TRIM9: variants seen among roughly 807,000 people sequenced by gnomAD.
TRIM9 encodes E3 ubiquitin-protein ligase TRIM9.
In TRIM9, 26 loss-of-function variants were observed where a neutral mutation model predicts 78.3. The ratio of observed to expected loss-of-function variants is 0.33; its 90% confidence interval spans 0.24 to 0.46. The LOEUF is 0.46. Ranked by LOEUF, TRIM9 falls within the 20% of genes least tolerant of loss-of-function variation. The pLI, the probability that TRIM9 is intolerant of heterozygous loss-of-function variation, is 1.00. For synonymous variants in TRIM9, 398 were observed against 416.5 expected (o/e 0.96, Z 0.54); for missense variants, 787 against 1,036.4 (o/e 0.76, Z 3.30).
intron 6 of TRIM9, among the ~76,000 whole-genome samples, chr14:51,000,464 A>C (rs1273743961): frequency 6.6e-6 from 1 of 152,224 alleles, no homozygotes; most frequent in Non-Finnish European, 1.5e-5. Flanking sequence ...CCAGTACTGC[A>C]TGTCCTGTCT....
chr14:51,000,008 A>G (rs2054746817), intron 6 of TRIM9, among the ~76,000 whole-genome samples: 2 of 152,200 alleles, frequency 1.3e-5, no homozygotes, highest in Non-Finnish European at 2.9e-5. Context: ...CACCTTGGGA[A>G]GGTAGCAATC....
intron 1 of TRIM9, among the ~76,000 whole-genome samples, chr14:51,037,500 A>G (rs894041297): frequency 1.3e-5 from 2 of 152,282 alleles, no homozygotes; most frequent in South Asian, 4.2e-4. Flanking sequence ...AATGGTGATC[A>G]GATCAGAAAA....
At chr14:50,998,427 C>T (rs1445907328) in intron 6 of TRIM9, among the ~76,000 whole-genome samples, 1 of 152,100 alleles carries the variant, frequency 6.6e-6, no homozygotes, top group African/African-American at 2.4e-5. Context: ...GTTGTATATG[C>T]AGATTAGCGT....
At chr14:51,088,772 A>G (rs1215314114) in intron 1 of TRIM9, among the ~76,000 whole-genome samples, 1 of 152,278 alleles carries the variant, frequency 6.6e-6, no homozygotes, top group Non-Finnish European at 1.5e-5. Flanking sequence ...ATTGAATATG[A>G]TATGATTTCT....
At chr14:51,014,229 T>C (rs2056900643) in intron 3 of TRIM9, among the ~76,000 whole-genome samples, 1 of 152,176 alleles carries the variant, frequency 6.6e-6, no homozygotes, top group South Asian at 2.1e-4. Flanking sequence ...TTATCAAGCA[T>C]GGTTTATTGG....
Position 51,095,099 on chromosome 14 carries a change from G to T in TRIM9, c.-160C>A. The T allele has an allele frequency of 2.0e-6, 1 of 489,604 alleles. No individual in the cohort carries two copies. The highest frequency in any genetic ancestry group is 3.3e-6 in the Non-Finnish European group (1 of 305,172). The allele number at this position is 489,604 out of a possible 1,614,324, so 30.3% of individuals were successfully genotyped here. On this transcript the variant is annotated 5_prime_UTR_variant, in exon 1 of 13. Coordinates refer to ENST00000684578, the MANE Select transcript of TRIM9 (RefSeq NM_001387360.1). ...GGCACGGACACCCAGAGAGGCGCTA[G>T]CTCTGTGAGCCGCAGCCGCGTAGCC...
rs898204719 is a variant in TRIM9, at chr14:50,981,904, C to T, written c.2058G>A (p.Met686Ile). Residue 686 changes from methionine to isoleucine, a missense_variant, in exon 11 of 13, where the codon ATG becomes ATA. By Grantham distance (10) the Met-to-Ile change is conservative. This residue lies in a region of TRIM9 where 421 missense variants were observed against 514.3 expected (regional missense o/e 0.82). Coordinates refer to ENST00000684578, the MANE Select transcript of TRIM9 (RefSeq NM_001387360.1). Reference sequence around the variant, plus strand: ...CTAACATCACATCCTTCATCACGTCCATGCGAGCCACACCAAAGGCAGGAT... The same window carrying T: ...CTAACATCACATCCTTCATCACGTCTATGCGAGCCACACCAAAGGCAGGAT... The part of the protein sequence containing the change: ...HPDPAFGVAR[M>I]DVMKDVMLGK... 1.5e-5 allele frequency: 25 copies of T among 1,614,150 alleles called. No individual in the cohort carries two copies. The highest frequency in any genetic ancestry group is 3.3e-4 in the Middle Eastern group (2 of 6,062).
At chr14:51,052,976 G>A (rs1374903592) in intron 1 of TRIM9, among the ~76,000 whole-genome samples, 2 of 152,024 alleles carry the variant, frequency 1.3e-5, no homozygotes, top group Non-Finnish European at 2.9e-5. Context: ...GGGCAACATG[G>A]TGAAACCCTA....
At chr14:51,053,899 T>C (rs2060666591) in intron 1 of TRIM9, among the ~76,000 whole-genome samples, 1 of 152,174 alleles carries the variant, frequency 6.6e-6, no homozygotes, top group Non-Finnish European at 1.5e-5. Flanking sequence ...AAATATATTA[T>C]GGGTAAGAGT....
rs747505328 is a variant in TRIM9, at chr14:51,047,718, G to A, written c.823-22358C>T. ...TCTGTATCAGGTAAAAAAGAATATG[G>A]CCAATGAAGAGGTGCCAACCCAATG... On this transcript the variant is annotated intron_variant, in intron 1 of 12. Transcript: ENST00000684578. Among the ~76,000 whole-genome samples the A allele has an allele frequency of 2.2e-4, 33 of 152,056 alleles. 1 individual carries two copies. Among genetic ancestry groups the A allele is most frequent in the Middle Eastern group, 3.2e-3 (1 of 316 alleles).
chr14:51,066,794 T>C (rs572525197), intron 1 of TRIM9, among the ~76,000 whole-genome samples: 1 of 152,322 alleles, frequency 6.6e-6, no homozygotes, highest in East Asian at 1.9e-4. Context: ...GCTCGGCGTT[T>C]GCCTTATTTG....
intron 1 of TRIM9, among the ~76,000 whole-genome samples, chr14:51,061,239 C>A (rs140624265): frequency 1.3e-5 from 2 of 151,746 alleles, no homozygotes; most frequent in African/African-American, 4.8e-5. Flanking sequence ...CTAGTGAAAC[C>A]CTGTCTCTAC....
At chr14:51,030,283 T>A (rs1412486158) in intron 1 of TRIM9, among the ~76,000 whole-genome samples, 1 of 152,240 alleles carries the variant, frequency 6.6e-6, no homozygotes, top group Non-Finnish European at 1.5e-5. Context: ...AGGGTCCTGA[T>A]TCCCCCTCTA....
At chr14:50,978,837 A>G (rs1566536369) in intron 12 of TRIM9, 1 of 919,738 alleles carries the variant, frequency 1.1e-6, no homozygotes, top group Non-Finnish European at 1.3e-6. Context: ...TTCTATAGAT[A>G]TTTGCTGAAT....
At chr14:50,999,622 T>G (rs1412083481) in intron 6 of TRIM9, among the ~76,000 whole-genome samples, 1 of 152,178 alleles carries the variant, frequency 6.6e-6, no homozygotes, top group Non-Finnish European at 1.5e-5. Context: ...GGCTTTGCTC[T>G]TGAAAGCTAG....
intron 1 of TRIM9, among the ~76,000 whole-genome samples, chr14:51,040,029 C>T (rs1003071973): frequency 1.1e-4 from 17 of 152,260 alleles, no homozygotes; most frequent in African/African-American, 3.4e-4. Context: ...CTGATCCGCC[C>T]GCCTCGGTCT....
At chr14:51,085,139 A>G (rs11620848) in intron 1 of TRIM9, among the ~76,000 whole-genome samples, 53,352 of 151,840 alleles carry the variant, frequency 0.35, 9,656 homozygotes, top group Admixed American at 0.42. Flanking sequence ...TTGGTGCCAC[A>G]CAGTTACTTC....
At chr14:50,981,497 C>G (rs935823905) in intron 11 of TRIM9, among the ~76,000 whole-genome samples, 7 of 152,158 alleles carry the variant, frequency 4.6e-5, no homozygotes, top group Non-Finnish European at 8.8e-5. Flanking sequence ...AGTTGTAGGT[C>G]TGGGTGTTTC....
intron 3 of TRIM9, among the ~76,000 whole-genome samples, chr14:51,018,420 A>G (rs1038167252): frequency 3.0e-4 from 45 of 151,328 alleles, no homozygotes; most frequent in Non-Finnish European, 8.8e-5. Flanking sequence ...TTTGCCTGTC[A>G]TAAAACGATG....
Sources: gnomAD v4.1 joint callset for allele counts (sites outside exome capture counted in the v4.1 genomes callset) on GRCh38, gnomAD v4.1.1 for gene constraint, gnomAD v4.1.1 regional missense constraint, MANE v1.5 for transcripts, NCBI Gene and HGNC (gene_info 2026-07-23, HGNC 2026-07-21) for gene names.